Variants in INPP4B observed in about 807,000 individuals in gnomAD.
INPP4B encodes inositol polyphosphate 4-phosphatase type II.
Under a neutral mutation model 122.5 loss-of-function variants are expected in INPP4B, and 55 were observed. That is an observed-to-expected ratio of 0.45 (90% confidence interval 0.36 to 0.56). INPP4B has a LOEUF of 0.56. INPP4B is among the 20% of genes least tolerant of loss of function. The probability of loss-of-function intolerance (pLI) is 0.00; values close to 1 mark genes in which losing one functional copy is unlikely to be tolerated. For missense variants in INPP4B, 1,000 were observed against 1,097.7 expected, an observed-to-expected ratio of 0.91 and a Z score of 1.26; for synonymous variants, 403 against 388.7, an observed-to-expected ratio of 1.04 and a Z score of -0.43.
intron 9 of INPP4B, among the ~76,000 whole-genome samples, chr4:142,300,312 C>T (rs1239281082): frequency 1.3e-5 from 2 of 152,132 alleles, no homozygotes; most frequent in African/African-American, 4.8e-5. Flanking sequence ...CTCTCCTTAT[C>T]GCTGCTTCTG....
intron 2 of INPP4B, among the ~76,000 whole-genome samples, chr4:142,472,345 G>A (rs1818993267): frequency 6.6e-6 from 1 of 150,552 alleles, no homozygotes; most frequent in African/African-American, 2.4e-5. Flanking sequence ...AAAAGTCATT[G>A]TGTCCAATTA....
chr4:142,802,921 G>C (rs1778194242), intron 1 of INPP4B, among the ~76,000 whole-genome samples: 1 of 151,906 alleles, frequency 6.6e-6, no homozygotes, highest in Non-Finnish European at 1.5e-5. Flanking sequence ...TTTAATCCCA[G>C]CACTTTGGGA....
intron 8 of INPP4B, among the ~76,000 whole-genome samples, chr4:142,306,738 C>T (rs534825282): frequency 9.2e-5 from 14 of 152,248 alleles, no homozygotes; most frequent in East Asian, 5.8e-4. Flanking sequence ...TGGTGGCTCA[C>T]GCCTGTCATG....
intron 1 of INPP4B, among the ~76,000 whole-genome samples, chr4:142,726,859 C>T (rs1765405902): frequency 6.6e-6 from 1 of 152,090 alleles, no homozygotes; most frequent in South Asian, 2.1e-4. Flanking sequence ...GATATTTTTT[C>T]CTATCCCCCA....
chr4:142,347,110 A>T lies in INPP4B; in HGVS notation c.373-32348T>A, dbSNP rs111600474. 5.6e-3 allele frequency among the ~76,000 whole-genome samples: 847 copies of T among 152,212 alleles called. 9 individuals are homozygous for T. The highest frequency in any genetic ancestry group is 0.019 in the African/African-American group (805 of 41,566). On this transcript the variant is annotated intron_variant, in intron 7 of 25. Coordinates refer to ENST00000262992, the MANE Select transcript of INPP4B (RefSeq NM_001101669.3). ...TAACCAACCGTATCTTTAAAATGAT[A>T]AGAAAAAGATGTAGTTTTGGTTTCA...
intron 9 of INPP4B, among the ~76,000 whole-genome samples, chr4:142,282,014 A>C (rs1216086590): frequency 1.3e-5 from 2 of 152,080 alleles, no homozygotes; most frequent in East Asian, 3.9e-4. Context: ...TAACAGAACA[A>C]AATTCTCTGC....
rs548387469 is a variant in INPP4B at position 142,178,583 on chromosome 4, A to G, written c.1182-4774T>C. Among the ~76,000 whole-genome samples the G allele has an allele frequency of 1.5e-4, 23 of 152,224 alleles. No homozygotes were observed. The South Asian group carries it at 4.4e-3, about 29-fold the overall frequency. On this transcript the variant is annotated intron_variant, in intron 15 of 25. Coordinates refer to ENST00000262992, the MANE Select transcript of INPP4B (RefSeq NM_001101669.3). ...CTCCACTCCTTAATCTGTTTGCTCA[A>G]CCAAGCTACTATTTTATGCAGTGGA...
At chr4:142,588,881 A>G (rs997696876) in intron 2 of INPP4B, among the ~76,000 whole-genome samples, 3 of 151,964 alleles carry the variant, frequency 2.0e-5, no homozygotes, top group Non-Finnish European at 4.4e-5. Context: ...GAAATAGAAT[A>G]GTCAACGCAA....
intron 7 of INPP4B, among the ~76,000 whole-genome samples, chr4:142,396,318 T>C (rs1799343136): frequency 6.6e-6 from 1 of 152,056 alleles, no homozygotes; most frequent in Admixed American, 6.5e-5. Context: ...ATACTTCATT[T>C]TTTCCAAAAA....
chr4:142,194,677 C>T (rs1182684870), intron 14 of INPP4B, among the ~76,000 whole-genome samples: 1 of 152,132 alleles, frequency 6.6e-6, no homozygotes, highest in Non-Finnish European at 1.5e-5. Context: ...GGACTTCTGG[C>T]TTCTAACTCA....
chr4:142,240,533 C>A (rs1858839269), intron 11 of INPP4B, among the ~76,000 whole-genome samples: 1 of 152,070 alleles, frequency 6.6e-6, no homozygotes, highest in African/African-American at 2.4e-5. Flanking sequence ...AATTTAAAAA[C>A]CAGGCAATTT....
intron 1 of INPP4B, among the ~76,000 whole-genome samples, chr4:142,814,033 T>A (rs1779828302): frequency 6.6e-6 from 1 of 152,166 alleles, no homozygotes. Context: ...GTGGACTGAC[T>A]GGAGAGTGCT....
intron 1 of INPP4B, among the ~76,000 whole-genome samples, chr4:142,733,381 A>G (rs2165819): frequency 0.29 from 43,931 of 152,054 alleles, 6,471 homozygotes; most frequent in South Asian, 0.4. Flanking sequence ...GAGTATAAAA[A>G]GAAACCTGCA....
chr4:142,463,810 T>C (rs1382490451), intron 2 of INPP4B, among the ~76,000 whole-genome samples: 2 of 152,158 alleles, frequency 1.3e-5, no homozygotes, highest in African/African-American at 4.8e-5. Context: ...AAGAAGGACA[T>C]GTTTGCTTCC....
At chr4:142,208,654 GA>G (rs1843555521) in intron 13 of INPP4B, 125 bp from the exon 14 acceptor site, 2 of 537,452 alleles carry the variant, frequency 3.7e-6, no homozygotes, top group African/African-American at 3.9e-5. Context: ...CTATATTTAT[GA>G]GTTGCTTTTC....
At chr4:142,707,957 G>A (rs563638233) in intron 2 of INPP4B, among the ~76,000 whole-genome samples, 6 of 152,284 alleles carry the variant, frequency 3.9e-5, no homozygotes, top group East Asian at 1.9e-4. Context: ...ATAGTGATAC[G>A]GACAATGAAA....
intron 9 of INPP4B, among the ~76,000 whole-genome samples, chr4:142,289,539 C>A (rs1314619952): frequency 6.6e-6 from 1 of 152,166 alleles, no homozygotes; most frequent in East Asian, 1.9e-4. Context: ...TCTTCCCAGC[C>A]CCCAGCCCTT....
intron 2 of INPP4B, among the ~76,000 whole-genome samples, chr4:142,706,061 T>C (rs932307761): frequency 6.6e-6 from 1 of 152,214 alleles, no homozygotes; most frequent in African/African-American, 2.4e-5. Flanking sequence ...CCTCAACCTT[T>C]CCTCCTGTCC....
chr4:142,492,205 T>C (rs943048762), intron 2 of INPP4B, among the ~76,000 whole-genome samples: 7 of 152,168 alleles, frequency 4.6e-5, no homozygotes, highest in African/African-American at 1.7e-4. Flanking sequence ...TCTCCAGACA[T>C]GTTGAATTGT....
Sources: allele counts gnomAD v4.1 joint callset (sites outside exome capture counted in the v4.1 genomes callset), GRCh38; gene constraint gnomAD v4.1.1; transcripts MANE v1.5; gene names NCBI Gene and HGNC (gene_info 2026-07-23, HGNC 2026-07-21).